The following SLC38A8 variants were observed in gnomAD, a reference collection of about 807,000 sequenced individuals.
SLC38A8 encodes solute carrier family 38 member 8, also known as amino acid transporter SLC38A8.
A neutral mutation model predicts 46.0 loss-of-function variants in SLC38A8; 65 were observed. The ratio of observed to expected loss-of-function variants is 1.41; its 90% CI spans 1.16 to 1.74. The LOEUF is 1.74. SLC38A8 is among the 40% of genes most tolerant of loss of function. The pLI is 0.00. For synonymous variants in SLC38A8, 447 were observed against 243.7 expected (o/e 1.83, Z -7.77); for missense variants, 998 against 567.9 (o/e 1.76, Z -7.70).
intron 6 of SLC38A8, among the ~76,000 whole-genome samples, chr16:84,023,696 C>A (rs894230708): frequency 6.6e-6 from 1 of 152,184 alleles, no homozygotes; most frequent in Non-Finnish European, 1.5e-5. Context: ...GAGTTTGAGA[C>A]CAGCCTGGCC....
In SLC38A8 at chr16:84,022,883, C is replaced by T. The variant is rs372929441; in HGVS notation, c.697G>A (p.Glu233Lys). The change falls in exon 7 of 11, where the codon GAA (glutamate) becomes AAA (lysine). Residue 233 changes from glutamate (E) to lysine (K), a missense_variant. Glu to Lys is a moderately conservative substitution (Grantham distance 56). Coordinates refer to ENST00000299709, the MANE Select transcript of SLC38A8 (RefSeq NM_001080442.3). ...CTGCAGTAGATGGAGACGGCAGCTT[C>T]GTGACACTGTAAGACAGAGGGCGGC... is the stretch of plus-strand genomic sequence containing the variant. ...PTICFGFQCH[E>K]AAVSIYCSMR... 49 of 1,602,028 alleles carry T rather than the reference C, an allele frequency of 3.1e-5. No individual in the cohort carries two copies. The highest frequency in any genetic ancestry group is 1.1e-4 in the East Asian group (5 of 44,412).
At chr16:84,022,732 G>T (rs375080834) in intron 7 of SLC38A8, 43 bp downstream of exon 7, 32 of 1,504,644 alleles carry the variant, frequency 2.1e-5, no homozygotes, top group Non-Finnish European at 3.0e-5. Flanking sequence ...TGTTTCTACT[G>T]TCACTCCCCA....
intron 7 of SLC38A8, among the ~76,000 whole-genome samples, chr16:84,019,067 C>T (rs1195988895): frequency 2.0e-5 from 3 of 151,902 alleles, no homozygotes; most frequent in Admixed American, 2.0e-4. Context: ...ACTGAAACTA[C>T]AATTTCTCCA....
chr16:84,038,640 G>A (rs1597280451), intron 2 of SLC38A8, among the ~76,000 whole-genome samples: 3 of 152,192 alleles, frequency 2.0e-5, no homozygotes, highest in Admixed American at 6.5e-5. Context: ...GCTGGAAGAT[G>A]TACAATGCAC....
chr16:84,014,485 C>T (rs1210787717), intron 9 of SLC38A8, among the ~76,000 whole-genome samples: 1 of 151,884 alleles, frequency 6.6e-6, no homozygotes, highest in South Asian at 2.1e-4. Context: ...TGTATAGCCA[C>T]ACCCTCACCT....
intron 9 of SLC38A8, among the ~76,000 whole-genome samples, chr16:84,014,221 C>T (rs1361877385): frequency 6.6e-6 from 1 of 151,236 alleles, no homozygotes; most frequent in African/African-American, 2.4e-5. Flanking sequence ...GCCACACCCT[C>T]ACCTCTGAAA....
At chr16:84,025,347 T>C (rs540322025) in intron 6 of SLC38A8, among the ~76,000 whole-genome samples, 85 of 152,278 alleles carry the variant, frequency 5.6e-4, no homozygotes, top group Admixed American at 1.4e-3. Context: ...CCTCAGGGCC[T>C]TTGCTACTGC....
At chr16:84,021,027 A>G (rs910283622) in intron 7 of SLC38A8, among the ~76,000 whole-genome samples, 61 of 152,206 alleles carry the variant, frequency 4.0e-4, no homozygotes, top group African/African-American at 1.5e-3. Context: ...TGCTCCTTGG[A>G]TATCTCTTCC....
At chr16:84,012,280 T>C (rs2084963723) in intron 10 of SLC38A8, among the ~76,000 whole-genome samples, 1 of 152,228 alleles carries the variant, frequency 6.6e-6, no homozygotes, top group African/African-American at 2.4e-5. Flanking sequence ...CATTCACGTG[T>C]ACATCGTCCT....
intron 2 of SLC38A8, among the ~76,000 whole-genome samples, chr16:84,038,640 G>T (rs1597280451): frequency 6.6e-6 from 1 of 152,192 alleles, no homozygotes; most frequent in African/African-American, 2.4e-5. Flanking sequence ...GCTGGAAGAT[G>T]TACAATGCAC....
chr16:84,022,930 C>A, intron 6 of SLC38A8, 41 bp from the exon 7 acceptor site: 1 of 1,456,636 alleles, frequency 6.9e-7, no homozygotes. Context: ...CTGGCTTCCC[C>A]TGGAACAGGC....
chr16:84,015,996 TAAAGA>T (rs1438729734), intron 9 of SLC38A8, among the ~76,000 whole-genome samples: 2 of 152,098 alleles, frequency 1.3e-5, no homozygotes, highest in Admixed American at 6.6e-5. Flanking sequence ...AGGTAATTTA[TAAAGA>T]AAAGAGGTTT....
At chr16:84,025,342 G>A (rs1183733783) in intron 6 of SLC38A8, among the ~76,000 whole-genome samples, 1 of 152,168 alleles carries the variant, frequency 6.6e-6, no homozygotes, top group Non-Finnish European at 1.5e-5. Flanking sequence ...CCGCGCCTCA[G>A]GGCCTTTGCT....
chr16:84,014,673 C>T (rs552407339), intron 9 of SLC38A8, among the ~76,000 whole-genome samples: 1 of 152,366 alleles, frequency 6.6e-6, no homozygotes, highest in Admixed American at 6.5e-5. Context: ...CTTCACTTCA[C>T]TTCCCCAGTC....
At chr16:84,013,483 T>A (rs1292143245) in intron 9 of SLC38A8, among the ~76,000 whole-genome samples, 7 of 131,286 alleles carry the variant, frequency 5.3e-5, no homozygotes, top group Non-Finnish European at 7.7e-5. Flanking sequence ...CAGGCTGGAG[T>A]GCAGTGGCAC....
At chr16:84,015,889 G>C (rs984724424) in intron 9 of SLC38A8, among the ~76,000 whole-genome samples, 1 of 152,162 alleles carries the variant, frequency 6.6e-6, no homozygotes, top group African/African-American at 2.4e-5. Flanking sequence ...ATTTTTAGTA[G>C]GCTGGTCTCG....
At chr16:84,014,655 T>A (rs767035554) in intron 9 of SLC38A8, among the ~76,000 whole-genome samples, 2 of 152,208 alleles carry the variant, frequency 1.3e-5, no homozygotes, top group Non-Finnish European at 2.9e-5. Flanking sequence ...GCTGTTCTCC[T>A]CCCCTCCCTT....
At chr16:84,043,306 C>G (rs967643078), upstream of SLC38A8, among the ~76,000 whole-genome samples, 1 of 152,204 alleles carries the variant, frequency 6.6e-6, no homozygotes, top group African/African-American at 2.4e-5. Flanking sequence ...GGCCCCATTC[C>G]GGAAAATGCT....
At chr16:84,036,508 T>C (rs953758172) in intron 3 of SLC38A8, among the ~76,000 whole-genome samples, 194 bp downstream of exon 3, 1 of 152,250 alleles carries the variant, frequency 6.6e-6, no homozygotes, top group South Asian at 2.1e-4. Context: ...TGTGTGCCCA[T>C]GACTGTCACC....
Sources: gnomAD v4.1 joint callset for allele counts (sites outside exome capture counted in the v4.1 genomes callset) on GRCh38, gnomAD v4.1.1 for gene constraint, MANE v1.5 for transcripts, NCBI Gene and HGNC (gene_info 2026-07-23, HGNC 2026-07-21) for gene names.